Variants in TCF4 observed in about 807,000 individuals in gnomAD.
The protein encoded by TCF4 is transcription factor 4.
A neutral mutation model predicts 82.1 loss-of-function variants in TCF4; 3 were observed. The ratio of observed to expected loss-of-function variants is 0.04; its 90% CI spans 0.02 to 0.09. The LOEUF is 0.09. TCF4 is among the 10% of genes least tolerant of loss of function. The pLI, the probability that TCF4 is intolerant of heterozygous loss-of-function variation, is 1.00. For missense variants in TCF4, 518 were observed against 852.7 expected (o/e 0.61, Z 4.89); for synonymous variants, 276 against 309.6 (o/e 0.89, Z 1.14).
chr18:55,264,975 T>C (rs2058803822), intron 11 of TCF4: 1 of 152,146 alleles, frequency 6.6e-6, no homozygotes, highest in Non-Finnish European at 1.5e-5. Flanking sequence ...CAGGTGGTGT[T>C]GCTGGCTAGA....
chr18:55,315,186 C>T (rs1243883970), intron 8 of TCF4, among the ~76,000 whole-genome samples: 1 of 152,124 alleles, frequency 6.6e-6, no homozygotes, highest in Non-Finnish European at 1.5e-5. Context: ...ACTGTTCCCA[C>T]CTCTGACTTC....
At chr18:55,431,334 C>T (rs1434394289) in intron 5 of TCF4, among the ~76,000 whole-genome samples, 1 of 152,146 alleles carries the variant, frequency 6.6e-6, no homozygotes, top group Non-Finnish European at 1.5e-5. Flanking sequence ...GGCTAGAGTG[C>T]AATGGGGCGA....
At chr18:55,425,621 A>G (rs1241588877) in intron 5 of TCF4, among the ~76,000 whole-genome samples, 1 of 152,162 alleles carries the variant, frequency 6.6e-6, no homozygotes, top group Non-Finnish European at 1.5e-5. Flanking sequence ...CAGACTCTAC[A>G]CATTTGCATT....
chr18:55,529,340 T>C (rs1279815495), intron 3 of TCF4, among the ~76,000 whole-genome samples: 2 of 152,190 alleles, frequency 1.3e-5, no homozygotes, highest in Non-Finnish European at 2.9e-5. Context: ...TCTCAGCATC[T>C]CATGAGTAAA....
At chr18:55,394,953 C>A (rs1026582782) in intron 6 of TCF4, among the ~76,000 whole-genome samples, 1 of 152,146 alleles carries the variant, frequency 6.6e-6, no homozygotes, top group Non-Finnish European at 1.5e-5. Flanking sequence ...TTTCTAAAGT[C>A]TTTTTTTCTG....
At chr18:55,281,830 A>G (rs2062672204) in intron 8 of TCF4, among the ~76,000 whole-genome samples, 1 of 151,998 alleles carries the variant, frequency 6.6e-6, no homozygotes, top group Non-Finnish European at 1.5e-5. Flanking sequence ...ATTATAATCA[A>G]GCTCAAATAT....
At chr18:55,500,107 G>C (rs986580273) in intron 3 of TCF4, among the ~76,000 whole-genome samples, 1 of 152,148 alleles carries the variant, frequency 6.6e-6, no homozygotes, top group African/African-American at 2.4e-5. Context: ...GCTTGAACCT[G>C]GGAGGCTGAG....
At chr18:55,461,742 A>C (rs1328818984) in intron 4 of TCF4, among the ~76,000 whole-genome samples, 1 of 152,210 alleles carries the variant, frequency 6.6e-6, no homozygotes, top group Non-Finnish European at 1.5e-5. Flanking sequence ...GGAGTTGGAC[A>C]AAGCATGTCA....
chr18:55,343,515 A>T (rs950301949), intron 8 of TCF4, among the ~76,000 whole-genome samples: 1 of 152,160 alleles, frequency 6.6e-6, no homozygotes, highest in East Asian at 1.9e-4. Flanking sequence ...GAATTCTTAA[A>T]ATGTTCCTTT....
chr18:55,584,633 A>T (rs1316840541), intron 3 of TCF4, among the ~76,000 whole-genome samples: 1 of 152,130 alleles, frequency 6.6e-6, no homozygotes, highest in African/African-American at 2.4e-5. Context: ...TCACCCAAAG[A>T]TCTTTCATTT....
At chr18:55,445,915 C>T (rs2095516839) in intron 5 of TCF4, among the ~76,000 whole-genome samples, 2 of 152,136 alleles carry the variant, frequency 1.3e-5, no homozygotes, top group South Asian at 4.1e-4. Context: ...TAACTCCCTC[C>T]TCCCTTGCCT....
chr18:55,246,828 G>C (rs2053406141), intron 15 of TCF4, among the ~76,000 whole-genome samples: 1 of 152,046 alleles, frequency 6.6e-6, no homozygotes, highest in Non-Finnish European at 1.5e-5. Flanking sequence ...TAGGAGAGAT[G>C]ACAGAACACT....
chr18:55,563,679 G>A (rs1429375334), intron 3 of TCF4, among the ~76,000 whole-genome samples: 1 of 152,234 alleles, frequency 6.6e-6, no homozygotes, highest in Non-Finnish European at 1.5e-5. Flanking sequence ...CCTCTTCAGT[G>A]ACTCGGGGAT....
chr18:55,319,085 T>G (rs909995553), intron 8 of TCF4, among the ~76,000 whole-genome samples: 3 of 152,206 alleles, frequency 2.0e-5, no homozygotes, highest in Non-Finnish European at 2.9e-5. Flanking sequence ...GGAAAACTTG[T>G]GCAACAAATA....
rs182735775 is a variant in TCF4, at chr18:55,480,861, C to G, written c.146-16724G>C. 8.3e-3 allele frequency among the ~76,000 whole-genome samples: 1,269 copies of G among 152,082 alleles called. 8 individuals are homozygous for G. The highest frequency in any genetic ancestry group is 0.014 in the Non-Finnish European group (923 of 67,958). On this transcript the variant is annotated intron_variant, in intron 3 of 19. Coordinates refer to ENST00000354452, the MANE Select transcript of TCF4 (RefSeq NM_001083962.2). ...GCTCACGCCTGTAATCCCAACACTTCGGGAGGCTGAGGAGGGTGTATCACT... is the reference window on the plus strand; with the variant it reads ...GCTCACGCCTGTAATCCCAACACTTGGGGAGGCTGAGGAGGGTGTATCACT...
exon 1 of TCF4, chr18:55,635,809 T>G (rs1411620990): frequency 6.4e-7 from 1 of 1,554,602 alleles, no homozygotes; most frequent in Non-Finnish European, 8.7e-7. Flanking sequence ...AACTGCACCC[T>G]CCATCTTTGA....
chr18:55,364,608 A>C (rs2086347027), intron 6 of TCF4, among the ~76,000 whole-genome samples: 3 of 152,216 alleles, frequency 2.0e-5, no homozygotes, highest in African/African-American at 4.8e-5. Flanking sequence ...TTCATTTCAG[A>C]AATCTCTCTT....
chr18:55,413,214 C>T (rs1298408609), intron 5 of TCF4, among the ~76,000 whole-genome samples: 1 of 152,082 alleles, frequency 6.6e-6, no homozygotes, highest in African/African-American at 2.4e-5. Context: ...TTTTTAACCC[C>T]AGACAGAAGA....
rs34795346 is a variant in TCF4, at chr18:55,289,882, CA to C, written c.550-10227del. 6.3e-3 allele frequency among the ~76,000 whole-genome samples: 875 copies of C among 137,944 alleles called. 2 individuals carry two copies. The highest frequency in any genetic ancestry group is 9.6e-3 in the African/African-American group (362 of 37,746). 90.5% of individuals were successfully genotyped at this position (137,944 alleles called of 152,430 possible). On this transcript the variant is annotated intron_variant, in intron 8 of 19. Coordinates refer to ENST00000354452, the MANE Select transcript of TCF4 (RefSeq NM_001083962.2). ...AACAATAAGGTAAAAAAGGCATTAC[CA>C]AAAAAAAAAAAATGTGCAGGTGTGC... is the stretch of plus-strand genomic sequence containing the variant.
Sources: allele counts gnomAD v4.1 joint callset (sites outside exome capture counted in the v4.1 genomes callset), GRCh38; gene constraint gnomAD v4.1.1; transcripts MANE v1.5; gene names NCBI Gene and HGNC (gene_info 2026-07-23, HGNC 2026-07-21).